ZNF618: variants seen among roughly 807,000 people sequenced by gnomAD.
The protein encoded by ZNF618 is zinc finger protein 618, also known as neural precursor cell expressed, developmentally down-regulated 10.
In ZNF618, 34 loss-of-function variants were observed where a neutral mutation model predicts 103.0. The observed-to-expected ratio is 0.33, with a 90% CI of 0.25 to 0.44. ZNF618 has a LOEUF of 0.44. ZNF618 is among the 20% of genes least tolerant of loss of function. The pLI, the probability that ZNF618 is intolerant of heterozygous loss-of-function variation, is 1.00. For missense variants in ZNF618, 1,059 were observed against 1,295.4 expected, an observed-to-expected ratio of 0.82 and a Z score of 2.80; for synonymous variants, 551 against 542.2, an observed-to-expected ratio of 1.02 and a Z score of -0.23.
intron 1 of ZNF618, among the ~76,000 whole-genome samples, chr9:113,968,753 C>T (rs759245965): frequency 7.2e-5 from 11 of 152,132 alleles, no homozygotes; most frequent in Non-Finnish European, 1.6e-4. Context: ...AGGAATAAAT[C>T]TACAGCTACT....
At chr9:113,879,135 G>T (rs926337363) in intron 1 of ZNF618, among the ~76,000 whole-genome samples, 3 of 148,262 alleles carry the variant, frequency 2.0e-5, no homozygotes, top group Admixed American at 1.3e-4. Flanking sequence ...GAAGGCCTGA[G>T]TTTAGCAGTG....
At chr9:113,905,421 A>G (rs1277304232) in intron 1 of ZNF618, among the ~76,000 whole-genome samples, 1 of 152,216 alleles carries the variant, frequency 6.6e-6, no homozygotes. Flanking sequence ...ATATGGGGCA[A>G]ATCAGGCTTG....
intron 9 of ZNF618, among the ~76,000 whole-genome samples, chr9:114,012,257 G>T (rs1268783672): frequency 6.6e-6 from 1 of 152,228 alleles, no homozygotes; most frequent in East Asian, 1.9e-4. Context: ...AGTTCTGGAA[G>T]CTGGAAAGCC....
intron 11 of ZNF618, 85 bp downstream of exon 11, chr9:114,029,057 G>A: frequency 2.7e-6 from 4 of 1,485,166 alleles, no homozygotes; most frequent in South Asian, 2.7e-5. Flanking sequence ...GGTTGTTGTT[G>A]CCTTGCAAGA....
chr9:113,963,090 T>C (rs935050653), intron 1 of ZNF618, among the ~76,000 whole-genome samples: 1 of 152,144 alleles, frequency 6.6e-6, no homozygotes, highest in Admixed American at 6.5e-5. Flanking sequence ...GGAAAGGAAA[T>C]AGATATATAA....
chr9:113,932,712 T>A (rs1227935144), intron 1 of ZNF618, among the ~76,000 whole-genome samples: 1 of 152,004 alleles, frequency 6.6e-6, no homozygotes, highest in Non-Finnish European at 1.5e-5. Context: ...GCTGGGTGAT[T>A]GGGAGCACCA....
intron 2 of ZNF618, among the ~76,000 whole-genome samples, chr9:113,985,636 C>T (rs993517407): frequency 6.6e-6 from 1 of 152,222 alleles, no homozygotes; most frequent in African/African-American, 2.4e-5. Context: ...TTGGTTTTGG[C>T]TCTGTTCTGG....
At chr9:113,928,434 C>G (rs1451340031) in intron 1 of ZNF618, among the ~76,000 whole-genome samples, 1 of 152,216 alleles carries the variant, frequency 6.6e-6, no homozygotes, top group Non-Finnish European at 1.5e-5. Flanking sequence ...TCTGCTGTCT[C>G]TCTTCAGGTT....
At chr9:113,959,576 C>G (rs1836647886) in intron 1 of ZNF618, among the ~76,000 whole-genome samples, 1 of 152,156 alleles carries the variant, frequency 6.6e-6, no homozygotes, top group East Asian at 1.9e-4. Flanking sequence ...GCCTTTACCT[C>G]TCTGCGGATT....
chr9:114,029,358 A>G (rs62556516), intron 11 of ZNF618, among the ~76,000 whole-genome samples: 20 of 152,196 alleles, frequency 1.3e-4, no homozygotes, highest in Admixed American at 9.2e-4. Context: ...TTTGATTTCT[A>G]CCTGACATTG....
At chr9:113,982,989 G>A (rs1839107894) in intron 2 of ZNF618, among the ~76,000 whole-genome samples, 1 of 152,176 alleles carries the variant, frequency 6.6e-6, no homozygotes, top group Non-Finnish European at 1.5e-5. Context: ...TTATGTTGAA[G>A]TGTGACTCGG....
At chr9:113,926,584 C>T (rs1241826381) in intron 1 of ZNF618, among the ~76,000 whole-genome samples, 3 of 151,628 alleles carry the variant, frequency 2.0e-5, no homozygotes, top group Non-Finnish European at 4.4e-5. Flanking sequence ...TCTGTTTTTT[C>T]TATTTATGAA....
rs192987770 is a variant in ZNF618, at chr9:113,904,580, C to T, written c.33+28167C>T. On this transcript the variant is annotated intron_variant, in intron 1 of 14. Coordinates refer to ENST00000374126, the MANE Select transcript of ZNF618 (RefSeq NM_001318042.2). The stretch of plus-strand genomic sequence containing the variant: ...TAGCTGTATTTGTTTCCTTTGACTG[C>T]TCTAACAAATTATCACACACTTAGT... 2.3e-4 allele frequency among the ~76,000 whole-genome samples: 35 copies of T among 152,262 alleles called. No homozygotes were observed. In the East Asian group the frequency reaches 2.9e-3, roughly 13 times the overall value.
At chr9:113,920,936 T>C (rs1308639683) in intron 1 of ZNF618, among the ~76,000 whole-genome samples, 2 of 152,342 alleles carry the variant, frequency 1.3e-5, no homozygotes, top group East Asian at 3.9e-4. Context: ...GTGACAGTGC[T>C]ACCTGGGTAG....
chr9:114,046,258 C>T (rs1845641778), intron 13 of ZNF618, among the ~76,000 whole-genome samples: 2 of 152,144 alleles, frequency 1.3e-5, no homozygotes, highest in East Asian at 1.9e-4. Flanking sequence ...TCATGCACCA[C>T]ATGATGTACA....
chr9:113,951,495 A>G (rs1330852704), intron 1 of ZNF618, among the ~76,000 whole-genome samples: 3 of 40,242 alleles, frequency 7.5e-5, no homozygotes, highest in South Asian at 2.1e-3. Context: ...ATATGTGTGT[A>G]TGTGTACACA....
chr9:114,031,276 G>C (rs895799699), intron 11 of ZNF618, among the ~76,000 whole-genome samples: 4 of 152,060 alleles, frequency 2.6e-5, no homozygotes, highest in Non-Finnish European at 4.4e-5. Context: ...GGGGCCTTCT[G>C]TGCCAATTTG....
chr9:114,051,883 C>T lies in ZNF618; in HGVS notation c.*1716C>T, dbSNP rs1846160686. ...AAATCAGCACTCCACCCCCACCACA[C>T]CTCTCAGTGAATGAAGTGCTGGTGG... is the stretch of plus-strand genomic sequence containing the variant. On this transcript the variant is annotated 3_prime_UTR_variant, in exon 15 of 15. Coordinates refer to ENST00000374126, the MANE Select transcript of ZNF618 (RefSeq NM_001318042.2). 1 of 152,318 alleles carries T rather than the reference C, an allele frequency of 6.6e-6. No homozygotes were observed. The highest frequency in any genetic ancestry group is 1.5e-5 in the Non-Finnish European group (1 of 68,102). The allele number at this position is 152,318 out of a possible 1,614,324, so 9.4% of individuals were successfully genotyped here. A position where few individuals can be genotyped will look rare whatever the true frequency, so the allele number is the denominator to read the frequency against.
chr9:113,948,429 A>G (rs996427210), intron 1 of ZNF618, among the ~76,000 whole-genome samples: 1 of 152,234 alleles, frequency 6.6e-6, no homozygotes, highest in Non-Finnish European at 1.5e-5. Context: ...TGTGGAATAT[A>G]TCAGGGCCTT....
Sources: gnomAD v4.1 joint callset for allele counts (sites outside exome capture counted in the v4.1 genomes callset) on GRCh38, gnomAD v4.1.1 for gene constraint, MANE v1.5 for transcripts, NCBI Gene and HGNC (gene_info 2026-07-23, HGNC 2026-07-21) for gene names.